The following TEX9 variants were observed in gnomAD, a reference collection of about 807,000 sequenced individuals.
TEX9 encodes the protein testis-expressed protein 9.
TEX9 carries 74 observed loss-of-function variants against 59.6 expected under a neutral mutation model. The ratio of observed to expected loss-of-function variants is 1.24; its 90% CI spans 1.03 to 1.51. TEX9 has a LOEUF of 1.51. Ranked by LOEUF, TEX9 falls within the 40% of genes most tolerant of loss-of-function variation. The probability of loss-of-function intolerance (pLI) is 0.00; values close to 1 mark genes in which losing one functional copy is unlikely to be tolerated. For synonymous variants in TEX9, 186 were observed against 152.2 expected (o/e 1.22, Z -1.64); for missense variants, 522 against 447.8 (o/e 1.17, Z -1.49).
chr15:56,339,272 A>G (rs1282683347), intron 1 of TEX9, among the ~76,000 whole-genome samples: 1 of 150,616 alleles, frequency 6.6e-6, no homozygotes, highest in East Asian at 2.0e-4. Flanking sequence ...AATCCCAGCT[A>G]CTCAGGAGGC....
At chr15:56,410,897 C>A (rs2049312949) in intron 9 of TEX9, among the ~76,000 whole-genome samples, 1 of 152,186 alleles carries the variant, frequency 6.6e-6, no homozygotes, top group Admixed American at 6.5e-5. Context: ...AGCTACCACC[C>A]ACAAAGCTGT....
At chr15:56,317,039 C>T (rs59232912) in intron 1 of TEX9, among the ~76,000 whole-genome samples, 7,012 of 152,160 alleles carry the variant, frequency 0.046, 573 homozygotes, top group East Asian at 0.37. Flanking sequence ...CACTGACCTG[C>T]GCCCACTGTC....
At chr15:56,416,927 AG>A (rs2049716407) in intron 10 of TEX9, among the ~76,000 whole-genome samples, 2 of 151,682 alleles carry the variant, frequency 1.3e-5, no homozygotes, top group Non-Finnish European at 2.9e-5. Flanking sequence ...TTCCTGGTTC[AG>A]TCCTGGGAGG....
intron 1 of TEX9, among the ~76,000 whole-genome samples, chr15:56,300,959 CAA>C (rs1197652738): frequency 2.0e-5 from 3 of 152,148 alleles, no homozygotes; most frequent in Non-Finnish European, 4.4e-5. Context: ...TGAAGAATAT[CAA>C]CGAGCATCAA....
chr15:56,301,839 A>G (rs1383428885), intron 1 of TEX9, among the ~76,000 whole-genome samples: 1 of 152,214 alleles, frequency 6.6e-6, no homozygotes, highest in African/African-American at 2.4e-5. Context: ...GAGCAATAAG[A>G]AATCATTAAA....
At chr15:56,289,108 A>T (rs1461874516) in intron 1 of TEX9, among the ~76,000 whole-genome samples, 2 of 151,824 alleles carry the variant, frequency 1.3e-5, no homozygotes, top group Non-Finnish European at 1.5e-5. Flanking sequence ...TTAATTTCTC[A>T]TTTTGGTCAT....
At chr15:56,446,836 A>T, downstream of TEX9, 1 of 1,588,888 alleles carries the variant, frequency 6.3e-7, no homozygotes, top group Non-Finnish European at 8.6e-7. Context: ...CAGAAACATG[A>T]TTACCATTTG....
At chr15:56,324,364 A>T (rs2141719516) in intron 1 of TEX9, among the ~76,000 whole-genome samples, 1 of 152,270 alleles carries the variant, frequency 6.6e-6, no homozygotes, top group Admixed American at 6.5e-5. Flanking sequence ...TTCATTTTGG[A>T]CAGTGTGGGA....
rs148692920 is a variant in TEX9 at position 56,260,679 on chromosome 15, C to G, written c.-107+16401C>G. 3.3e-4 allele frequency among the ~76,000 whole-genome samples: 50 copies of G among 151,918 alleles called. No homozygotes were observed. The East Asian group carries it at 5.4e-3, about 16-fold the overall frequency. ...TTGTTCTAATTTTTGTCCCTATGTT[C>G]GTAAGAATTATTAGCTTGTAACTTT... On this transcript the variant is annotated intron_variant, in intron 1 of 5. Coordinates refer to the TEX9 transcript ENST00000560827.
At chr15:56,385,136 CT>C (rs2047903612) in intron 4 of TEX9, among the ~76,000 whole-genome samples, 1 of 152,148 alleles carries the variant, frequency 6.6e-6, no homozygotes, top group Non-Finnish European at 1.5e-5. Flanking sequence ...GTTCTTAGCA[CT>C]TTTGTCAAAA....
intron 1 of TEX9, among the ~76,000 whole-genome samples, chr15:56,307,113 C>T (rs1257253620): frequency 2.0e-5 from 3 of 152,152 alleles, no homozygotes; most frequent in Non-Finnish European, 4.4e-5. Context: ...TCGGTGAGTA[C>T]TGGCAGTAGG....
intron 4 of TEX9, among the ~76,000 whole-genome samples, chr15:56,387,714 A>G (rs1026028904): frequency 4.0e-5 from 6 of 151,860 alleles, no homozygotes; most frequent in Non-Finnish European, 7.4e-5. Context: ...TTTTTCTGTA[A>G]AGGGGCAGAT....
chr15:56,304,600 C>G (rs2045435047), intron 1 of TEX9, among the ~76,000 whole-genome samples: 1 of 152,106 alleles, frequency 6.6e-6, no homozygotes, highest in South Asian at 2.1e-4. Flanking sequence ...CCCACTTTAT[C>G]CCATGATGGT....
intron 12 of TEX9, among the ~76,000 whole-genome samples, chr15:56,439,985 T>C (rs1184743289): frequency 2.6e-5 from 4 of 152,050 alleles, no homozygotes; most frequent in South Asian, 2.1e-4. Context: ...AGCTACAGAC[T>C]AGAAGAAACT....
chr15:56,382,559 T>C (rs1476746606), intron 3 of TEX9, among the ~76,000 whole-genome samples: 1 of 152,060 alleles, frequency 6.6e-6, no homozygotes, highest in Non-Finnish European at 1.5e-5. Flanking sequence ...GGGCCCAAGG[T>C]CCCTTTATTT....
At chr15:56,432,411 TAC>T (rs1356281573) in intron 12 of TEX9, among the ~76,000 whole-genome samples, 1 of 152,130 alleles carries the variant, frequency 6.6e-6, no homozygotes, top group Non-Finnish European at 1.5e-5. Flanking sequence ...TAGACAGAAT[TAC>T]AGATACCTAT....
Position 56,342,394 on chromosome 15 carries a change from T to TA in TEX9, c.-106-31041dup, listed in dbSNP as rs373728324. Among the ~76,000 whole-genome samples, 13 of 152,184 alleles carry TA rather than the reference T, an allele frequency of 8.5e-5. No homozygotes were observed. In the East Asian group the frequency reaches 2.3e-3, roughly 27 times the overall value. On this transcript the variant is annotated intron_variant, in intron 1 of 5. Transcript: ENST00000560827. ...AATTCAGCCCCAAAACAACTGGCTA[T>TA]AAAAAATCAAAACTTAAGAATAGTT...
At position 56,365,434 on chromosome 15, in the gene TEX9, CGTCGCAGTCGCCGAAGATGGCGGGGCGAA is replaced by C. The variant is rs746610687; in HGVS notation, c.-13_16del. ...AGATGCGTCGTTGCCTCGGTAACCGCGTCGCAGTCGCCGAAGATGGCGGGGCGAAGTCTGTGTCTCACGGTCAGTTCAAC... is the reference window on the plus strand; with the variant it reads ...AGATGCGTCGTTGCCTCGGTAACCGCGTCTGTGTCTCACGGTCAGTTCAAC... On this transcript the variant is annotated start_lost and 5_prime_UTR_variant, in exon 1 of 13. Transcript: ENST00000352903. 8.1e-6 allele frequency: 13 copies of C among 1,608,998 alleles called. No homozygotes were observed. The South Asian group carries it at 1.4e-4, about 18-fold the overall frequency.
chr15:56,363,716 A>G (rs1299148649), upstream of TEX9, among the ~76,000 whole-genome samples: 2 of 151,330 alleles, frequency 1.3e-5, no homozygotes, highest in Admixed American at 6.6e-5. Context: ...CCCAGGCTAG[A>G]GTGCAGTGGT....
Sources: allele counts gnomAD v4.1 joint callset (sites outside exome capture counted in the v4.1 genomes callset), GRCh38; gene constraint gnomAD v4.1.1; transcripts MANE v1.5; gene names NCBI Gene and HGNC (gene_info 2026-07-23, HGNC 2026-07-21).